The following ZFHX3 variants were observed in gnomAD, a reference collection of about 807,000 sequenced individuals.
ZFHX3 encodes the protein zinc finger homeobox 3, also known as zinc finger homeobox protein 3.
ZFHX3 carries 42 observed loss-of-function variants against 279.1 expected under a neutral mutation model. That is an observed-to-expected ratio of 0.15 (90% CI 0.12 to 0.19). The LOEUF is 0.19. ZFHX3 is among the 10% of genes least tolerant of loss of function. The pLI is 1.00. For synonymous variants in ZFHX3, 2,293 were observed against 1,957.8 expected (o/e 1.17, Z -4.52); for missense variants, 4,981 against 4,754.0 (o/e 1.05, Z -1.40).
intron 1 of ZFHX3, among the ~76,000 whole-genome samples, chr16:73,798,905 T>C (rs182286124): frequency 6.6e-6 from 1 of 152,356 alleles, no homozygotes; most frequent in East Asian, 1.9e-4. Flanking sequence ...TGAATCATTA[T>C]ACAAATTCTT....
chr16:73,777,874 G>T (rs893329577), intron 1 of ZFHX3, among the ~76,000 whole-genome samples: 4 of 152,130 alleles, frequency 2.6e-5, no homozygotes, highest in Non-Finnish European at 4.4e-5. Context: ...TAGCTAAAGG[G>T]AGTATCTGGA....
At chr16:73,151,325 G>A (rs1039939838) in intron 5 of ZFHX3, among the ~76,000 whole-genome samples, 6 of 152,172 alleles carry the variant, frequency 3.9e-5, no homozygotes, top group African/African-American at 1.4e-4. Flanking sequence ...TGGTTACTGA[G>A]GTCAGGCATC....
intron 8 of ZFHX3, among the ~76,000 whole-genome samples, chr16:73,066,870 T>TC (rs1339964829): frequency 1.3e-5 from 2 of 151,940 alleles, no homozygotes; most frequent in Non-Finnish European, 2.9e-5. Context: ...TGCGCCCTCC[T>TC]CCCCCCAGCC....
intron 4 of ZFHX3, among the ~76,000 whole-genome samples, chr16:72,851,717 A>AT (rs760781026): frequency 6.6e-6 from 1 of 151,818 alleles, no homozygotes; most frequent in Non-Finnish European, 1.5e-5. Flanking sequence ...ACCACGGCTA[A>AT]TTTTTGTATT....
chr16:73,804,267 C>A (rs1160828222), intron 1 of ZFHX3, among the ~76,000 whole-genome samples: 1 of 152,158 alleles, frequency 6.6e-6, no homozygotes, highest in Non-Finnish European at 1.5e-5. Flanking sequence ...TATATTATTT[C>A]GCTTGCTACA....
At chr16:72,919,659 GTCTA>G (rs547671359) in intron 3 of ZFHX3, among the ~76,000 whole-genome samples, 47 of 149,674 alleles carry the variant, frequency 3.1e-4, no homozygotes, top group Non-Finnish European at 4.7e-4. Flanking sequence ...GATATCTCCT[GTCTA>G]TCTATCTAAA....
At chr16:73,697,466 T>C (rs2053208313) in intron 1 of ZFHX3, among the ~76,000 whole-genome samples, 1 of 152,186 alleles carries the variant, frequency 6.6e-6, no homozygotes, top group South Asian at 2.1e-4. Flanking sequence ...TAATTACATT[T>C]TTACTGGATA....
intron 4 of ZFHX3, among the ~76,000 whole-genome samples, chr16:72,862,848 T>G (rs1020451049): frequency 2.8e-5 from 4 of 144,696 alleles, no homozygotes; most frequent in Non-Finnish European, 4.4e-5. Context: ...AAAAAAAAAG[T>G]TAGAAGAGGA....
At chr16:73,748,056 T>G (rs923222636) in intron 1 of ZFHX3, among the ~76,000 whole-genome samples, 8 of 152,222 alleles carry the variant, frequency 5.3e-5, no homozygotes, top group African/African-American at 1.9e-4. Flanking sequence ...TTGGGGATAA[T>G]AGTCTATCCA....
chr16:73,317,451 A>C (rs2015477885), intron 4 of ZFHX3, among the ~76,000 whole-genome samples: 2 of 152,202 alleles, frequency 1.3e-5, no homozygotes, highest in Admixed American at 6.5e-5. Flanking sequence ...CTATTGGCTC[A>C]ACACACTATA....
intron 7 of ZFHX3, among the ~76,000 whole-genome samples, chr16:73,126,421 T>C (rs1419618238): frequency 6.6e-6 from 1 of 151,946 alleles, no homozygotes; most frequent in Admixed American, 6.6e-5. Flanking sequence ...CAACAGGACT[T>C]GGGGACTGAA....
intron 7 of ZFHX3, among the ~76,000 whole-genome samples, chr16:73,111,089 C>T (rs896863804): frequency 6.6e-6 from 1 of 151,978 alleles, no homozygotes; most frequent in Admixed American, 6.6e-5. Context: ...TACAGGTGCG[C>T]ACCACCACGC....
At chr16:73,360,765 G>A (rs4889198) in intron 3 of ZFHX3, among the ~76,000 whole-genome samples, 133,783 of 152,202 alleles carry the variant, frequency 0.88, 59,186 homozygotes, top group Non-Finnish European at 0.92. Flanking sequence ...CTTAATAATT[G>A]ACAGCATATA....
intron 2 of ZFHX3, among the ~76,000 whole-genome samples, chr16:73,535,658 A>G (rs2019887086): frequency 6.6e-6 from 1 of 151,674 alleles, no homozygotes; most frequent in Admixed American, 6.6e-5. Context: ...GGTGCCCATC[A>G]CCTTTCAATT....
intron 5 of ZFHX3, among the ~76,000 whole-genome samples, chr16:73,155,889 A>G (rs1442191718): frequency 6.6e-6 from 1 of 152,146 alleles, no homozygotes; most frequent in Non-Finnish European, 1.5e-5. Context: ...CATTATATAT[A>G]GTACATATGC....
At chr16:73,718,804 C>T (rs1379548264) in intron 1 of ZFHX3, among the ~76,000 whole-genome samples, 4 of 151,870 alleles carry the variant, frequency 2.6e-5, no homozygotes, top group Admixed American at 6.6e-5. Flanking sequence ...TTAATAGAGA[C>T]GGGGTTTCGC....
chr16:73,354,574 C>T (rs892101540), intron 3 of ZFHX3, among the ~76,000 whole-genome samples: 4 of 152,178 alleles, frequency 2.6e-5, no homozygotes, highest in African/African-American at 4.8e-5. Flanking sequence ...CTCTGGACCA[C>T]GTGCATTTGA....
chr16:73,779,419 T>C (rs1399144435), intron 1 of ZFHX3, among the ~76,000 whole-genome samples: 2 of 82,916 alleles, frequency 2.4e-5, no homozygotes, highest in African/African-American at 1.0e-4. Flanking sequence ...GGTGGTGGTG[T>C]TTCATTCTAG....
At chr16:73,276,200 T>C (rs898458714) in intron 4 of ZFHX3, among the ~76,000 whole-genome samples, 9 of 150,454 alleles carry the variant, frequency 6.0e-5, no homozygotes, top group African/African-American at 2.2e-4. Context: ...TTTTCTTTTC[T>C]GAGACAGAGT....
Sources: gnomAD v4.1 joint callset for allele counts (sites outside exome capture counted in the v4.1 genomes callset) on GRCh38, gnomAD v4.1.1 for gene constraint, MANE v1.5 for transcripts, NCBI Gene and HGNC (gene_info 2026-07-23, HGNC 2026-07-21) for gene names.